SLC14A2: variants seen among roughly 807,000 people sequenced by gnomAD.
The protein encoded by SLC14A2 is urea transporter 2.
In SLC14A2, 91 loss-of-function variants were observed where a neutral mutation model predicts 104.6. The ratio of observed to expected loss-of-function variants is 0.87; its 90% confidence interval spans 0.73 to 1.04. SLC14A2 has a LOEUF of 1.04. Ranked by LOEUF, SLC14A2 falls within the 50% of genes least tolerant of loss-of-function variation. SLC14A2 has a pLI of 0.00. For missense variants in SLC14A2, 1,189 were observed against 1,156.0 expected, an observed-to-expected ratio of 1.03 and a Z score of -0.41; for synonymous variants, 476 against 466.4, an observed-to-expected ratio of 1.02 and a Z score of -0.27.
chr18:45,623,750 C>T (rs975793454), intron 1 of SLC14A2, among the ~76,000 whole-genome samples: 1 of 152,112 alleles, frequency 6.6e-6, no homozygotes, highest in African/African-American at 2.4e-5. Flanking sequence ...GAGAGACGGT[C>T]CTACACTGAA....
chr18:45,488,579 G>A (rs1440013021), intron 2 of SLC14A2, among the ~76,000 whole-genome samples: 4 of 152,210 alleles, frequency 2.6e-5, no homozygotes, highest in Admixed American at 2.6e-4. Context: ...CAGTAAGCAG[G>A]TGGACTACAG....
the SLC14A2 span, among the ~76,000 whole-genome samples, chr18:45,192,636 G>GTTTTTTTTTTTTGTTTT: frequency 2.0e-3 from 224 of 112,798 alleles, no homozygotes; most frequent in Middle Eastern, 4.4e-3. Context: ...GTGTGTGTGT[G>GTTTTTTTTTTTTGTTTT]GTTTTTTTTT....
Position 45,457,310 on chromosome 18 carries a change from C to A in SLC14A2, c.-124-25923C>A, listed in dbSNP as rs554978436. 1.9e-3 allele frequency among the ~76,000 whole-genome samples: 287 copies of A among 152,222 alleles called. 1 individual carries two copies. The highest frequency in any genetic ancestry group is 6.7e-3 in the African/African-American group (280 of 41,502). On this transcript the variant is annotated intron_variant, in intron 1 of 20. Transcript: ENST00000586448. Reference sequence around the variant, plus strand: ...CAATGGTTCCTGAAAGCCCCCCTACCATCCCAGACGTACAGCATCTCTGGT... The same window carrying A: ...CAATGGTTCCTGAAAGCCCCCCTACAATCCCAGACGTACAGCATCTCTGGT...
intron 1 of SLC14A2, among the ~76,000 whole-genome samples, chr18:45,231,397 C>T (rs1286691134): frequency 2.0e-5 from 3 of 152,020 alleles, no homozygotes; most frequent in Non-Finnish European, 4.4e-5. Context: ...GAGACAAGCT[C>T]TTGCTGTGTA....
At chr18:45,261,630 T>A (rs1450260413) in intron 1 of SLC14A2, among the ~76,000 whole-genome samples, 3 of 151,862 alleles carry the variant, frequency 2.0e-5, no homozygotes, top group Non-Finnish European at 4.4e-5. Context: ...CATTGTTCAA[T>A]TCCCACCTAT....
At chr18:45,335,388 C>A (rs1185798628) in intron 1 of SLC14A2, among the ~76,000 whole-genome samples, 1 of 152,118 alleles carries the variant, frequency 6.6e-6, no homozygotes, top group Non-Finnish European at 1.5e-5. Flanking sequence ...AAATTAGATG[C>A]TTTTTTGAGG....
At chr18:45,487,566 G>A (rs182605873) in intron 2 of SLC14A2, among the ~76,000 whole-genome samples, 78 of 152,276 alleles carry the variant, frequency 5.1e-4, no homozygotes, top group African/African-American at 1.8e-3. Flanking sequence ...AATAGTTGTG[G>A]ATACCTGTTG....
At chr18:45,543,145 C>T (rs971008554) in intron 2 of SLC14A2, among the ~76,000 whole-genome samples, 5 of 151,854 alleles carry the variant, frequency 3.3e-5, no homozygotes, top group Non-Finnish European at 5.9e-5. Flanking sequence ...GATGGGGTTT[C>T]ACCATGTTGG....
intron 1 of SLC14A2, among the ~76,000 whole-genome samples, chr18:45,321,223 TCAG>T (rs2085181837): frequency 6.6e-6 from 1 of 152,178 alleles, no homozygotes; most frequent in Non-Finnish European, 1.5e-5. Context: ...GTCATGGAAA[TCAG>T]CAGTTGATAC....
intron 3 of SLC14A2, among the ~76,000 whole-genome samples, chr18:45,626,684 G>A (rs2045261574): frequency 6.6e-6 from 1 of 151,884 alleles, no homozygotes; most frequent in Admixed American, 6.6e-5. Flanking sequence ...CAAGCCAGTG[G>A]CTGGAACAGC....
intron 1 of SLC14A2, among the ~76,000 whole-genome samples, chr18:45,622,095 G>A (rs913893797): frequency 2.0e-5 from 3 of 152,168 alleles, no homozygotes; most frequent in African/African-American, 7.2e-5. Context: ...AAGCATTGAT[G>A]GGCTTTAAGC....
chr18:45,652,594 C>T (rs1169738287), intron 10 of SLC14A2, among the ~76,000 whole-genome samples: 1 of 152,186 alleles, frequency 6.6e-6, no homozygotes, highest in Non-Finnish European at 1.5e-5. Flanking sequence ...ATGCAGGCCT[C>T]CTCCCTCTGT....
In SLC14A2 at chr18:45,511,175, C is replaced by G. The variant is rs570831507; in HGVS notation, c.-35+27853C>G. On this transcript the variant is annotated intron_variant, in intron 2 of 20. Transcript: ENST00000586448. ...ATCTTTGCACTTGACACATCCTTGG[C>G]ACTTGTTTCTATTTAAAGTAGCACT... 3.3e-5 allele frequency among the ~76,000 whole-genome samples: 5 copies of G among 152,154 alleles called. No homozygotes were observed. In the South Asian group the frequency reaches 1.0e-3, roughly 32 times the overall value.
At chr18:45,171,851 CT>C in the SLC14A2 span, among the ~76,000 whole-genome samples, 78 of 152,240 alleles carry the variant, frequency 5.1e-4, no homozygotes, top group Non-Finnish European at 1.0e-3. Flanking sequence ...CTCAAATCTT[CT>C]CAATTTTGGA....
At chr18:45,363,700 T>A (rs1053745708) in intron 1 of SLC14A2, among the ~76,000 whole-genome samples, 11 of 152,180 alleles carry the variant, frequency 7.2e-5, no homozygotes, top group Non-Finnish European at 7.3e-5. Flanking sequence ...CTGAATGACA[T>A]GGATTAAGAC....
At chr18:45,246,958 T>C (rs1483135310) in intron 1 of SLC14A2, among the ~76,000 whole-genome samples, 3 of 152,114 alleles carry the variant, frequency 2.0e-5, no homozygotes, top group Non-Finnish European at 4.4e-5. Context: ...ACCATCCAGT[T>C]TGAAAAAGAA....
At chr18:45,676,299 CAGGTGGCCCGGTGGGG>C (rs2046228721) in intron 18 of SLC14A2, among the ~76,000 whole-genome samples, 1 of 152,138 alleles carries the variant, frequency 6.6e-6, no homozygotes, top group Admixed American at 6.5e-5. Context: ...AGGATCGGAG[CAGGTGGCCCGGTGGGG>C]AGGTGGCTGC....
chr18:45,343,999 T>C (rs917774106), intron 1 of SLC14A2, among the ~76,000 whole-genome samples: 1 of 152,128 alleles, frequency 6.6e-6, no homozygotes, highest in East Asian at 1.9e-4. Context: ...GAAAGCAACA[T>C]TTGTGATGCA....
chr18:45,491,069 T>C (rs1190618227), intron 2 of SLC14A2, among the ~76,000 whole-genome samples: 1 of 152,226 alleles, frequency 6.6e-6, no homozygotes, highest in East Asian at 1.9e-4. Context: ...AAAGTAAGGA[T>C]ATACATACCC....
Sources: allele counts gnomAD v4.1 joint callset (sites outside exome capture counted in the v4.1 genomes callset), GRCh38; gene constraint gnomAD v4.1.1; transcripts MANE v1.5; gene names NCBI Gene and HGNC (gene_info 2026-07-23, HGNC 2026-07-21).